Variants in SV2B observed in about 807,000 individuals in gnomAD.
SV2B encodes synaptic vesicle glycoprotein 2B.
In SV2B, 41 loss-of-function variants were observed where a neutral mutation model predicts 73.9. The observed-to-expected ratio is 0.56, with a 90% CI of 0.43 to 0.72. The LOEUF (loss-of-function observed/expected upper bound fraction) is 0.72. Among genes scored for constraint, SV2B ranks in the 30% least tolerant of loss-of-function variants. SV2B has a pLI of 0.00. For missense variants in SV2B, 764 were observed against 857.8 expected (o/e 0.89, Z 1.37); for synonymous variants, 314 against 314.2 (o/e 1.00, Z 0.01).
At chr15:91,271,857 G>T (rs1224389125) in intron 9 of SV2B, among the ~76,000 whole-genome samples, 1 of 152,126 alleles carries the variant, frequency 6.6e-6, no homozygotes. Flanking sequence ...TTCCTTGGGG[G>T]CATTTCTTCT....
rs1419905538 is a variant in SV2B at position 91,229,831 on chromosome 15, T to A, written c.451+3117T>A. Among the ~76,000 whole-genome samples, 1 of 152,202 alleles carries A rather than the reference T, an allele frequency of 6.6e-6. No individual in the cohort carries two copies. The highest frequency in any genetic ancestry group is 1.5e-5 in the Non-Finnish European group (1 of 68,024). On this transcript the variant is annotated intron_variant, in intron 2 of 12. Coordinates refer to ENST00000394232, the MANE Select transcript of SV2B (RefSeq NM_001323032.3). This position sits in a 1 kb window ranked among gnomAD's most constrained non-coding sequence, Gnocchi z 4.3. ...GACTGCAAATTTCTTTCAGCCAATG[T>A]TTTTTATGGTAGACTTCTAAGGTCA... is the stretch of plus-strand genomic sequence containing the variant.
In SV2B at chr15:91,265,987, CA is replaced by C. The variant is rs1396404480; in HGVS notation, c.1009-589del. The stretch of plus-strand genomic sequence containing the variant: ...GAAACCCTGTCTCTATTAAAAAATA[CA>C]AAAAATTAGCTGGGTGTGGTGGTGC... On this transcript the variant is annotated intron_variant, in intron 6 of 12. Coordinates refer to ENST00000394232, the MANE Select transcript of SV2B (RefSeq NM_001323032.3). The surrounding 1 kb of genome is among the most constrained non-coding windows in gnomAD (Gnocchi z 4.2). Among the ~76,000 whole-genome samples the C allele has an allele frequency of 2.0e-5, 3 of 152,024 alleles. No individual in the cohort carries two copies. Among genetic ancestry groups the C allele is most frequent in the Non-Finnish European group, 4.4e-5 (3 of 67,990 alleles).
intron 1 of SV2B, among the ~76,000 whole-genome samples, chr15:91,187,058 A>G (rs2044800085): frequency 6.6e-6 from 1 of 152,234 alleles, no homozygotes; most frequent in Non-Finnish European, 1.5e-5. Flanking sequence ...AATGCAGGAA[A>G]AGTCCTGAGT....
At chr15:91,104,396 A>G (rs531372318) in intron 1 of SV2B, among the ~76,000 whole-genome samples, 1 of 152,324 alleles carries the variant, frequency 6.6e-6, no homozygotes, top group South Asian at 2.1e-4. Context: ...AGAGAAAGTA[A>G]AAGCTTGTAT....
chr15:91,176,589 G>T (rs186007235), intron 1 of SV2B, among the ~76,000 whole-genome samples: 100 of 152,228 alleles, frequency 6.6e-4, no homozygotes, highest in Non-Finnish European at 9.3e-4. Context: ...CATTGTAACT[G>T]GTGTGAGATG....
chr15:91,271,012 TGAGTCC>T (rs1567418245), intron 9 of SV2B, among the ~76,000 whole-genome samples: 5 of 103,756 alleles, frequency 4.8e-5, no homozygotes, highest in African/African-American at 2.5e-4. Flanking sequence ...GGGAGGACGG[TGAGTCC>T]TGTGGATGAT....
chr15:91,119,016 C>T (rs924978589), intron 1 of SV2B, among the ~76,000 whole-genome samples: 2 of 152,134 alleles, frequency 1.3e-5, no homozygotes, highest in African/African-American at 4.8e-5. Flanking sequence ...ACTCCTAATC[C>T]TCAGCTTCTG....
rs1428556178 is a variant in SV2B at position 91,115,404 on chromosome 15, C to T, written c.-392+15041C>T. ...CTTTTTTTTTTGAAACAGAGTCTTG[C>T]TCTGTTACTCAGGTTGGAGTACAGT... is the stretch of plus-strand genomic sequence containing the variant. On this transcript the variant is annotated intron_variant, in intron 1 of 12. Coordinates refer to ENST00000394232, the MANE Select transcript of SV2B (RefSeq NM_001323032.3). This position sits in a 1 kb window ranked among gnomAD's most constrained non-coding sequence, Gnocchi z 4.3. 6.6e-6 allele frequency among the ~76,000 whole-genome samples: 1 copy of T among 151,956 alleles called. No homozygotes were observed. Among genetic ancestry groups the T allele is most frequent in the Admixed American group, 6.6e-5 (1 of 15,258 alleles).
At chr15:91,107,633 A>G (rs970677464) in intron 1 of SV2B, among the ~76,000 whole-genome samples, 10 of 146,044 alleles carry the variant, frequency 6.8e-5, no homozygotes, top group African/African-American at 2.6e-4. Context: ...TTTTTGAGAC[A>G]GGGTCTCACT....
At chr15:91,238,335 A>T (rs891961980) in intron 2 of SV2B, among the ~76,000 whole-genome samples, 11 of 152,212 alleles carry the variant, frequency 7.2e-5, no homozygotes, top group African/African-American at 2.4e-4. Flanking sequence ...GACAAACATG[A>T]TTTTCACTGT....
intron 1 of SV2B, among the ~76,000 whole-genome samples, chr15:91,146,934 G>A (rs114096941): frequency 0.012 from 1,800 of 152,258 alleles, 35 homozygotes; most frequent in African/African-American, 0.041. Flanking sequence ...TGCACAGAAT[G>A]CCTCCTTTGA....
At chr15:91,228,838 CA>C (rs1757020031) in intron 2 of SV2B, among the ~76,000 whole-genome samples, 1 of 152,174 alleles carries the variant, frequency 6.6e-6, no homozygotes, top group Admixed American at 6.6e-5. Context: ...TAAATGGATC[CA>C]GGGGGCTGGA....
In SV2B at chr15:91,258,856, C is replaced by T. The variant is rs2141644503; in HGVS notation, c.918+302C>T. 6.6e-6 allele frequency among the ~76,000 whole-genome samples: 1 copy of T among 151,428 alleles called. No homozygotes were observed. Among genetic ancestry groups the T allele is most frequent in the East Asian group, 2.0e-4 (1 of 5,118 alleles). On this transcript the variant is annotated intron_variant, in intron 5 of 12. Transcript: ENST00000394232. This position sits in a 1 kb window ranked among gnomAD's most constrained non-coding sequence, Gnocchi z 4.7. Reference sequence around the variant, plus strand: ...AGCTCCTGAGCTGCCTCATGGCACCCACTGTCCCCCGAGGTCCTGATTAGG... The same window carrying T: ...AGCTCCTGAGCTGCCTCATGGCACCTACTGTCCCCCGAGGTCCTGATTAGG...
At position 91,292,733 on chromosome 15, in the gene SV2B, A is replaced by ATT. The variant is rs2049089614; in HGVS notation, c.*183_*184dup. 2.9e-6 allele frequency: 2 copies of ATT among 696,388 alleles called. No homozygotes were observed. The highest frequency in any genetic ancestry group is 6.1e-5 in the East Asian group (2 of 32,812). 43.1% of individuals were successfully genotyped at this position (696,388 alleles called of 1,614,324 possible). On this transcript the variant is annotated 3_prime_UTR_variant, in exon 13 of 13. Coordinates refer to ENST00000394232, the MANE Select transcript of SV2B (RefSeq NM_001323032.3). Reference sequence around the variant, plus strand: ...AATATGTTTGTAACTCAGGTGACTGATTTGGGGGTGCCCTGAGCCACCCTT... The same window carrying ATT: ...AATATGTTTGTAACTCAGGTGACTGATTTTTGGGGGTGCCCTGAGCCACCCTT...
At position 91,129,473 on chromosome 15, in the gene SV2B, G is replaced by T. The variant is rs1254833641; in HGVS notation, c.-392+29110G>T. On this transcript the variant is annotated intron_variant, in intron 1 of 12. Transcript: ENST00000394232. The surrounding 1 kb of genome is among the most constrained non-coding windows in gnomAD (Gnocchi z 5.1). Reference sequence around the variant, plus strand: ...AAGTGCAATGGTGGGGATCAGCAAAGATGTATGTCTTGGAAAAGCCCAGAA... The same window carrying T: ...AAGTGCAATGGTGGGGATCAGCAAATATGTATGTCTTGGAAAAGCCCAGAA... 6.6e-6 allele frequency among the ~76,000 whole-genome samples: 1 copy of T among 152,202 alleles called. No homozygotes were observed.
chr15:91,269,597 T>TCCCTACCTG (rs2048227685), intron 9 of SV2B, among the ~76,000 whole-genome samples: 2 of 152,288 alleles, frequency 1.3e-5, no homozygotes, highest in East Asian at 3.9e-4. Flanking sequence ...CTCAGTAAAG[T>TCCCTACCTG]CCCTACCTGT....
At chr15:91,114,964 T>C (rs2042137665) in intron 1 of SV2B, among the ~76,000 whole-genome samples, 1 of 152,162 alleles carries the variant, frequency 6.6e-6, no homozygotes, top group Admixed American at 6.5e-5. Context: ...ATGCACAATC[T>C]AGGATGAGAG....
chr15:91,148,041 T>C (rs533754518), intron 1 of SV2B, among the ~76,000 whole-genome samples: 6 of 123,520 alleles, frequency 4.9e-5, no homozygotes, highest in Admixed American at 3.2e-4. Context: ...AGTGCAGTGG[T>C]GCAATCTCGG....
intron 1 of SV2B, among the ~76,000 whole-genome samples, chr15:91,221,731 A>G (rs1955864463): frequency 6.7e-6 from 1 of 149,144 alleles, no homozygotes; most frequent in South Asian, 2.2e-4. Context: ...ACACACGTGC[A>G]TACATGAAAG....
Sources: allele counts gnomAD v4.1 joint callset (sites outside exome capture counted in the v4.1 genomes callset), GRCh38; gene constraint gnomAD v4.1.1; non-coding constraint Gnocchi (gnomAD v3.1); transcripts MANE v1.5; gene names NCBI Gene and HGNC (gene_info 2026-07-23, HGNC 2026-07-21).